The following CACNA1E variants were observed in gnomAD, a reference collection of about 807,000 sequenced individuals.
The protein encoded by CACNA1E is calcium voltage-gated channel subunit alpha1 E, also known as voltage-dependent R-type calcium channel subunit alpha-1E.
In CACNA1E, 40 loss-of-function variants were observed where a neutral mutation model predicts 259.2. The observed-to-expected ratio is 0.15, with a 90% confidence interval of 0.12 to 0.20. The LOEUF is 0.20. Ranked by LOEUF, CACNA1E falls within the 10% of genes least tolerant of loss-of-function variation. The pLI is 1.00. For missense variants in CACNA1E, 1,874 were observed against 3,040.1 expected, an observed-to-expected ratio of 0.62 and a Z score of 9.02; for synonymous variants, 1,104 against 1,138.5, an observed-to-expected ratio of 0.97 and a Z score of 0.61.
At chr1:181,529,817 C>A (rs1253535527) in intron 3 of CACNA1E, among the ~76,000 whole-genome samples, 2 of 152,158 alleles carry the variant, frequency 1.3e-5, no homozygotes, top group African/African-American at 4.8e-5. Context: ...TGGGAAGTAA[C>A]TAGCTTGATT....
At chr1:181,525,246 C>A (rs964693209) in intron 3 of CACNA1E, among the ~76,000 whole-genome samples, 1 of 152,116 alleles carries the variant, frequency 6.6e-6, no homozygotes, top group African/African-American at 2.4e-5. Context: ...TAAGGCCTAG[C>A]GGTGAGCAGT....
Position 181,510,522 on chromosome 1 carries a change from C to G in CACNA1E, c.312C>G (p.Ile104Met). 6.2e-7 allele frequency: 1 copy of G among 1,613,962 alleles called. No homozygotes were observed. The highest frequency in any genetic ancestry group is 8.5e-7 in the Non-Finnish European group (1 of 1,179,814). ...MILATIIANCIVLALEQHLPE... is the reference protein window; with the variant it reads ...MILATIIANCMVLALEQHLPE... ...TGGCCACCATCATTGCCAACTGCAT[C>G]GTCCTGGCCCTGGAGCAGCATCTTC... Residue 104 changes from isoleucine (I) to methionine (M), a missense_variant, in exon 2 of 48, where the codon ATC (isoleucine) becomes ATG (methionine). By Grantham distance (10) the Ile-to-Met change is conservative. Transcript: ENST00000367573.
At chr1:181,511,604 G>A (rs1572063017) in intron 3 of CACNA1E, 94 bp downstream of exon 3, 2 of 1,405,786 alleles carry the variant, frequency 1.4e-6, no homozygotes, top group Non-Finnish European at 2.0e-6. Context: ...TGGAAAGACA[G>A]CAATCTGTAG....
intron 19 of CACNA1E, among the ~76,000 whole-genome samples, chr1:181,731,584 C>A (rs1426764471): frequency 1.3e-5 from 2 of 152,086 alleles, no homozygotes; most frequent in Non-Finnish European, 2.9e-5. Flanking sequence ...GCGCGTGTCC[C>A]CTTCACAGTT....
intron 3 of CACNA1E, among the ~76,000 whole-genome samples, chr1:181,569,577 A>G (rs569407583): frequency 6.6e-6 from 1 of 152,366 alleles, no homozygotes; most frequent in South Asian, 2.1e-4. Flanking sequence ...AGAGCAAAAC[A>G]TCATGTGTAA....
chr1:181,340,355 T>C (rs992755972), intron 1 of CACNA1E, among the ~76,000 whole-genome samples: 27 of 152,134 alleles, frequency 1.8e-4, no homozygotes, highest in African/African-American at 6.5e-4. Flanking sequence ...TTTTATAATA[T>C]GCCTTAATAT....
At chr1:181,388,436 C>A (rs1375039194) in intron 1 of CACNA1E, among the ~76,000 whole-genome samples, 1 of 152,080 alleles carries the variant, frequency 6.6e-6, no homozygotes, top group Non-Finnish European at 1.5e-5. Flanking sequence ...AATGATATAG[C>A]CTATTACACA....
chr1:181,716,096 A>G lies in CACNA1E; in HGVS notation c.1282A>G (p.Ser428Gly), dbSNP rs1296914074. The G allele has an allele frequency of 6.4e-7, 1 of 1,571,530 alleles. No homozygotes were observed. Among genetic ancestry groups the G allele is most frequent in the Non-Finnish European group, 8.6e-7 (1 of 1,157,582 alleles). Reference sequence around the variant, plus strand: ...GACAGAGGCCATGACTCGAGACTCCAGTGATGAGCACTGTGTTGATATCTC... The same window carrying G: ...GACAGAGGCCATGACTCGAGACTCCGGTGATGAGCACTGTGTTGATATCTC... ...SRTEAMTRDS[S>G]DEHCVDISSV... The change falls in exon 10 of 48, where the codon AGT becomes GGT. Residue 428 changes from serine to glycine, a missense_variant. Transcript: ENST00000367573.
intron 1 of CACNA1E, among the ~76,000 whole-genome samples, chr1:181,330,851 A>G (rs1236171836): frequency 6.6e-6 from 1 of 152,222 alleles, no homozygotes; most frequent in Non-Finnish European, 1.5e-5. Flanking sequence ...TAGGAATAGT[A>G]CCTAACCTCA....
chr1:181,371,569 G>T (rs1654714091), intron 1 of CACNA1E, among the ~76,000 whole-genome samples: 1 of 152,104 alleles, frequency 6.6e-6, no homozygotes, highest in Non-Finnish European at 1.5e-5. Context: ...ACTGCATCTG[G>T]CCAGAAGCTC....
At chr1:181,429,086 G>A (rs559544847) in intron 2 of CACNA1E, among the ~76,000 whole-genome samples, 21 of 152,206 alleles carry the variant, frequency 1.4e-4, no homozygotes, top group African/African-American at 4.1e-4. Context: ...GGAGGCTGAG[G>A]CAAGAGAATC....
intron 2 of CACNA1E, among the ~76,000 whole-genome samples, chr1:181,449,819 C>T (rs1661031586): frequency 6.6e-6 from 1 of 152,162 alleles, no homozygotes; most frequent in Non-Finnish European, 1.5e-5. Flanking sequence ...AAATGACCAA[C>T]TTATTTCTCA....
At chr1:181,394,072 C>G (rs917558890) in intron 1 of CACNA1E, among the ~76,000 whole-genome samples, 2 of 152,024 alleles carry the variant, frequency 1.3e-5, no homozygotes, top group East Asian at 3.9e-4. Flanking sequence ...CTTCAGTTGG[C>G]CAAAGGTGGC....
chr1:181,589,007 T>G (rs187309158), intron 6 of CACNA1E, among the ~76,000 whole-genome samples: 12 of 152,376 alleles, frequency 7.9e-5, no homozygotes, highest in Non-Finnish European at 1.0e-4. Context: ...CAATTCATTA[T>G]TCACTCGAAG....
chr1:181,754,610 A>G (rs768910355), intron 27 of CACNA1E, among the ~76,000 whole-genome samples: 3 of 152,194 alleles, frequency 2.0e-5, no homozygotes, highest in Non-Finnish European at 4.4e-5. Context: ...GAAGGTGTCT[A>G]TTGGTCTTTC....
chr1:181,363,089 C>G (rs1259651875), intron 1 of CACNA1E, among the ~76,000 whole-genome samples: 1 of 152,186 alleles, frequency 6.6e-6, no homozygotes, highest in African/African-American at 2.4e-5. Context: ...ACAAATAGAC[C>G]TGTATCATTT....
At chr1:181,553,542 G>T (rs559736503) in intron 3 of CACNA1E, among the ~76,000 whole-genome samples, 2 of 152,214 alleles carry the variant, frequency 1.3e-5, no homozygotes, top group Admixed American at 6.5e-5. Context: ...ATACTATGTT[G>T]AATAGGAGTA....
At chr1:181,562,387 CT>C (rs567460531) in intron 3 of CACNA1E, among the ~76,000 whole-genome samples, 51 of 152,218 alleles carry the variant, frequency 3.4e-4, no homozygotes, top group African/African-American at 1.2e-3. Flanking sequence ...TGCTATGGAA[CT>C]TTTTTTCATA....
intron 34 of CACNA1E, 71 bp downstream of exon 34, chr1:181,763,602 A>G (rs1658775921): frequency 4.7e-6 from 6 of 1,265,008 alleles, no homozygotes; most frequent in Middle Eastern, 2.3e-4. Context: ...CACTGGCATC[A>G]TTACCCAAGT....
Sources: gnomAD v4.1 joint callset for allele counts (sites outside exome capture counted in the v4.1 genomes callset) on GRCh38, gnomAD v4.1.1 for gene constraint, MANE v1.5 for transcripts, NCBI Gene and HGNC (gene_info 2026-07-23, HGNC 2026-07-21) for gene names.